The following GFPT1 variants were observed in gnomAD, a reference collection of about 807,000 sequenced individuals.
The protein encoded by GFPT1 is glutamine--fructose-6-phosphate transaminase 1.
A neutral mutation model predicts 92.0 loss-of-function variants in GFPT1; 40 were observed. The observed-to-expected ratio is 0.43, with a 90% CI of 0.34 to 0.57. The LOEUF is 0.57. Ranked by LOEUF, GFPT1 falls within the 20% of genes least tolerant of loss-of-function variation. GFPT1 has a pLI of 0.02. For missense variants in GFPT1, 448 were observed against 869.1 expected (o/e 0.52, Z 6.09); for synonymous variants, 269 against 280.6 (o/e 0.96, Z 0.41).
intron 12 of GFPT1, among the ~76,000 whole-genome samples, chr2:69,342,482 A>C (rs1246856853): frequency 6.6e-6 from 1 of 152,198 alleles, no homozygotes; most frequent in Non-Finnish European, 1.5e-5. Context: ...CTACATCCCC[A>C]CACAATTACA....
chr2:69,365,216 G>C (rs896413792), intron 3 of GFPT1, among the ~76,000 whole-genome samples: 1 of 152,140 alleles, frequency 6.6e-6, no homozygotes, highest in African/African-American at 2.4e-5. Context: ...CACGGCTCAT[G>C]CCTGTAATCC....
intron 1 of GFPT1, among the ~76,000 whole-genome samples, chr2:69,384,794 A>AAAG (rs754690854): frequency 6.9e-6 from 1 of 144,288 alleles, no homozygotes; most frequent in African/African-American, 2.5e-5. Context: ...AGAAAGAAAG[A>AAAG]AAAGAAAAGA....
chr2:69,380,065 C>T (rs1201635631), intron 1 of GFPT1, among the ~76,000 whole-genome samples: 1 of 151,992 alleles, frequency 6.6e-6, no homozygotes, highest in Non-Finnish European at 1.5e-5. Flanking sequence ...AGGCCAGATG[C>T]CGTGGCTCAC....
intron 11 of GFPT1, among the ~76,000 whole-genome samples, chr2:69,347,667 G>A (rs1444512576): frequency 1.3e-5 from 2 of 151,820 alleles, no homozygotes; most frequent in Non-Finnish European, 2.9e-5. Flanking sequence ...TAGTACAGTC[G>A]GGGTTTCTCC....
chr2:69,332,018 A>G (rs1175361792), intron 15 of GFPT1, among the ~76,000 whole-genome samples: 1 of 152,150 alleles, frequency 6.6e-6, no homozygotes, highest in African/African-American at 2.4e-5. Flanking sequence ...ACATAAACTA[A>G]GTATTATTAA....
chr2:69,362,475 ATT>A (rs1247640942), intron 4 of GFPT1, among the ~76,000 whole-genome samples: 1 of 152,098 alleles, frequency 6.6e-6, no homozygotes, highest in Non-Finnish European at 1.5e-5. Flanking sequence ...TATAAATAAC[ATT>A]TATTTTTAAA....
chr2:69,326,778 C>G (rs1670542474), intron 19 of GFPT1, 136 bp downstream of exon 19: 2 of 849,008 alleles, frequency 2.4e-6, no homozygotes. Context: ...CAAATTGGGC[C>G]ATGAAAATAT....
rs1160272917 is a variant in GFPT1 at position 69,323,381 on chromosome 2, T to A, written c.*2808A>T. 1 of 152,208 alleles carries A rather than the reference T, an allele frequency of 6.6e-6. No individual in the cohort carries two copies. The highest frequency in any genetic ancestry group is 1.5e-5 in the Non-Finnish European group (1 of 68,032). The allele number at this position is 152,208 out of a possible 1,614,324, so 9.4% of individuals were successfully genotyped here. On this transcript the variant is annotated 3_prime_UTR_variant, in exon 20 of 20. Coordinates refer to ENST00000357308, the MANE Select transcript of GFPT1 (RefSeq NM_001244710.2). Reference sequence around the variant, plus strand: ...CTGGTTTTAATTGGGCATGCTCACTTTAGTGGTGTGCCTCATTACAATGTC... The same window carrying A: ...CTGGTTTTAATTGGGCATGCTCACTATAGTGGTGTGCCTCATTACAATGTC...
At chr2:69,376,485 C>T (rs1206233946) in intron 1 of GFPT1, among the ~76,000 whole-genome samples, 5 of 151,548 alleles carry the variant, frequency 3.3e-5, no homozygotes, top group Non-Finnish European at 7.4e-5. Context: ...CACTGCTGCA[C>T]TCCAGCCTGG....
intron 6 of GFPT1, among the ~76,000 whole-genome samples, chr2:69,356,971 T>C (rs1023599134): frequency 2.0e-5 from 3 of 152,194 alleles, no homozygotes; most frequent in African/African-American, 7.2e-5. Context: ...GACCTCGTGA[T>C]CTGCCCACCT....
intron 1 of GFPT1, 46 bp downstream of exon 1, chr2:69,387,019 C>T: frequency 7.0e-7 from 1 of 1,430,978 alleles, no homozygotes; most frequent in Non-Finnish European, 9.5e-7. Flanking sequence ...CCGCACCGCA[C>T]CCCAGCGCCA....
intron 1 of GFPT1, 36 bp downstream of exon 1, chr2:69,387,029 A>ACCCCAGCGCCG (rs1558793120): frequency 6.7e-7 from 1 of 1,487,104 alleles, no homozygotes; most frequent in Admixed American, 2.0e-5. Flanking sequence ...CCCCAGCGCC[A>ACCCCAGCGCCG]CCCGGCAACA....
At chr2:69,366,096 G>A (rs1356251399) in intron 3 of GFPT1, among the ~76,000 whole-genome samples, 1 of 152,144 alleles carries the variant, frequency 6.6e-6, no homozygotes, top group Non-Finnish European at 1.5e-5. Flanking sequence ...TTACAGGCGT[G>A]AGCCACCACG....
At chr2:69,372,917 A>G (rs1671785956) in intron 2 of GFPT1, among the ~76,000 whole-genome samples, 1 of 152,196 alleles carries the variant, frequency 6.6e-6, no homozygotes, top group Non-Finnish European at 1.5e-5. Context: ...AAGGATTCCT[A>G]CCACCCTAAC....
chr2:69,342,281 A>G (rs1228165651), intron 12 of GFPT1, 32 bp from the exon 13 acceptor site: 7 of 1,346,568 alleles, frequency 5.2e-6, no homozygotes, highest in Non-Finnish European at 7.5e-6. Flanking sequence ...ATAATTATTT[A>G]GCAAAGAACC....
intron 12 of GFPT1, among the ~76,000 whole-genome samples, chr2:69,344,078 T>C (rs1175469127): frequency 1.3e-5 from 2 of 151,614 alleles, no homozygotes; most frequent in Non-Finnish European, 2.9e-5. Context: ...GCCTACAGTG[T>C]TTTCCACAGA....
intron 1 of GFPT1, among the ~76,000 whole-genome samples, chr2:69,374,944 T>G (rs1222189385): frequency 1.3e-5 from 2 of 152,224 alleles, no homozygotes; most frequent in African/African-American, 2.4e-5. Context: ...ATTGCTTGAA[T>G]TACTTGTTCA....
At chr2:69,327,113 G>A in intron 18 of GFPT1, 38 bp from the exon 19 acceptor site, 1 of 1,600,570 alleles carries the variant, frequency 6.2e-7, no homozygotes, top group African/African-American at 1.3e-5. Context: ...AACATCACTG[G>A]TGGGCAAAGG....
intron 14 of GFPT1, 100 bp from the exon 15 acceptor site, chr2:69,338,155 T>C (rs949306468): frequency 1.9e-5 from 20 of 1,052,758 alleles, no homozygotes; most frequent in Non-Finnish European, 3.0e-5. Flanking sequence ...ACAATATTAC[T>C]TGTTTTAAAT....
Sources: allele counts gnomAD v4.1 joint callset (sites outside exome capture counted in the v4.1 genomes callset), GRCh38; gene constraint gnomAD v4.1.1; transcripts MANE v1.5; gene names NCBI Gene and HGNC (gene_info 2026-07-23, HGNC 2026-07-21).